The following MRPS28 variants were observed in gnomAD, a reference collection of about 807,000 sequenced individuals.
The protein encoded by MRPS28 is mitochondrial ribosomal protein S28, also known as small ribosomal subunit protein bS1m.
A neutral mutation model predicts 10.8 loss-of-function variants in MRPS28; 7 were observed. The observed-to-expected ratio is 0.65, with a 90% confidence interval of 0.37 to 1.22. The LOEUF (loss-of-function observed/expected upper bound fraction) is 1.22. Among genes scored for constraint, MRPS28 ranks in the 50% most tolerant of loss-of-function variants. The probability of loss-of-function intolerance (pLI) is 0.02; values close to 1 mark genes in which losing one functional copy is unlikely to be tolerated. For synonymous variants in MRPS28, 121 were observed against 93.3 expected, an observed-to-expected ratio of 1.30 and a Z score of -1.71; for missense variants, 265 against 232.9, an observed-to-expected ratio of 1.14 and a Z score of -0.90.
intron 2 of MRPS28, among the ~76,000 whole-genome samples, chr8:79,921,115 TTTCTGAGGGCTCCA>T: frequency 6.6e-6 from 1 of 152,216 alleles, no homozygotes; most frequent in Admixed American, 6.5e-5. Context: ...TGAGGCATTA[TTTCTGAGGGCTCCA>T]TTCTGTTCCA....
chr8:79,966,661 T>C (rs1807510798), intron 2 of MRPS28, among the ~76,000 whole-genome samples: 1 of 152,124 alleles, frequency 6.6e-6, no homozygotes, highest in Admixed American at 6.6e-5. Flanking sequence ...ATGAACGATA[T>C]AACAGCATGA....
chr8:79,959,804 T>C (rs868801006), intron 2 of MRPS28, among the ~76,000 whole-genome samples: 8 of 152,212 alleles, frequency 5.3e-5, no homozygotes, highest in South Asian at 4.1e-4. Context: ...AAAACCAGTA[T>C]ATATGTTTAA....
intron 2 of MRPS28, among the ~76,000 whole-genome samples, chr8:79,995,350 C>T (rs997482198): frequency 1.3e-5 from 2 of 152,276 alleles, no homozygotes; most frequent in East Asian, 1.9e-4. Flanking sequence ...CTAATCAATG[C>T]TATAAAGCAA....
chr8:80,029,980 C>T (rs1809610527), intron 1 of MRPS28, 56 bp downstream of exon 1: 2 of 1,583,750 alleles, frequency 1.3e-6, no homozygotes, highest in South Asian at 2.3e-5. Flanking sequence ...CCCGACCCCG[C>T]CCACCGCGTC....
intron 2 of MRPS28, among the ~76,000 whole-genome samples, chr8:79,993,351 T>C (rs186873044): frequency 6.6e-6 from 1 of 152,278 alleles, no homozygotes; most frequent in East Asian, 1.9e-4. Context: ...TTAGACAATC[T>C]CTGGAATGAT....
intron 2 of MRPS28, among the ~76,000 whole-genome samples, chr8:79,997,801 T>A (rs1808541752): frequency 6.6e-6 from 1 of 152,100 alleles, no homozygotes; most frequent in Non-Finnish European, 1.5e-5. Context: ...TAGCCTGTAA[T>A]CCCAGCACTT....
chr8:80,009,762 G>T (rs747211192), intron 1 of MRPS28, among the ~76,000 whole-genome samples: 3 of 152,086 alleles, frequency 2.0e-5, no homozygotes, highest in African/African-American at 7.2e-5. Context: ...AGAATGGGGT[G>T]GGGGGTGGTT....
chr8:79,932,352 A>G (rs1806484945), intron 2 of MRPS28, among the ~76,000 whole-genome samples: 1 of 152,158 alleles, frequency 6.6e-6, no homozygotes, highest in African/African-American at 2.4e-5. Context: ...TGAAGAGGGG[A>G]CATTTAATGA....
intron 2 of MRPS28, among the ~76,000 whole-genome samples, chr8:79,996,366 AC>A (rs1329137849): frequency 6.6e-6 from 1 of 152,208 alleles, no homozygotes; most frequent in Non-Finnish European, 1.5e-5. Context: ...ATTCCAACTT[AC>A]CATACTATTT....
intron 2 of MRPS28, among the ~76,000 whole-genome samples, chr8:79,951,698 T>C (rs1435710691): frequency 2.0e-5 from 3 of 152,208 alleles, no homozygotes; most frequent in Non-Finnish European, 2.9e-5. Context: ...GAGAAACTTC[T>C]ACAAGAATTT....
chr8:79,957,676 GCCACA>G (rs1807262429), intron 2 of MRPS28: 1 of 152,020 alleles, frequency 6.6e-6, no homozygotes. Context: ...CCATGATTGT[GCCACA>G]CTGCATTACA....
At chr8:79,957,973 T>C (rs1325717875) in intron 2 of MRPS28, 1 of 157,312 alleles carries the variant, frequency 6.4e-6, no homozygotes, top group Non-Finnish European at 1.4e-5. Flanking sequence ...ATATTTACTA[T>C]TCTAAAGTGG....
At chr8:79,943,312 G>A (rs1806818930) in intron 2 of MRPS28, among the ~76,000 whole-genome samples, 1 of 152,224 alleles carries the variant, frequency 6.6e-6, no homozygotes, top group Non-Finnish European at 1.5e-5. Flanking sequence ...AAGAGCCGAA[G>A]AAGGAATACA....
chr8:80,002,431 T>C (rs1028645925), intron 2 of MRPS28, among the ~76,000 whole-genome samples: 1 of 152,210 alleles, frequency 6.6e-6, no homozygotes, highest in African/African-American at 2.4e-5. Flanking sequence ...TCGTTTACTA[T>C]TGTTCTATTG....
chr8:79,919,855 T>A (rs767729995), intron 2 of MRPS28, among the ~76,000 whole-genome samples: 6 of 152,136 alleles, frequency 3.9e-5, no homozygotes, highest in Admixed American at 1.3e-4. Context: ...CGTGCAGGTT[T>A]GTTACATATG....
chr8:79,947,338 C>T (rs895187556), intron 2 of MRPS28, among the ~76,000 whole-genome samples: 1 of 152,148 alleles, frequency 6.6e-6, no homozygotes, highest in African/African-American at 2.4e-5. Context: ...TACAATTTTA[C>T]AATATGTATT....
At chr8:79,981,886 A>G (rs1459655169) in intron 2 of MRPS28, among the ~76,000 whole-genome samples, 1 of 152,272 alleles carries the variant, frequency 6.6e-6, no homozygotes, top group Non-Finnish European at 1.5e-5. Context: ...GGATTTAATT[A>G]TACCTATTTG....
intron 2 of MRPS28, among the ~76,000 whole-genome samples, chr8:79,952,878 C>T (rs1807113577): frequency 6.6e-6 from 1 of 152,184 alleles, no homozygotes; most frequent in African/African-American, 2.4e-5. Flanking sequence ...AGGTAAAGAA[C>T]ACAAATTTCA....
intron 2 of MRPS28, among the ~76,000 whole-genome samples, chr8:79,959,451 T>C (rs1807313190): frequency 6.6e-6 from 1 of 152,172 alleles, no homozygotes; most frequent in Admixed American, 6.5e-5. Context: ...CAAGATTCTA[T>C]GTTATATATC....
Sources: gnomAD v4.1 joint callset for allele counts (sites outside exome capture counted in the v4.1 genomes callset) on GRCh38, gnomAD v4.1.1 for gene constraint, MANE v1.5 for transcripts, NCBI Gene and HGNC (gene_info 2026-07-23, HGNC 2026-07-21) for gene names.